The following FGD4 variants were observed in gnomAD, a reference collection of about 807,000 sequenced individuals.
FGD4 encodes the protein FYVE, RhoGEF and PH domain containing 4.
Under a neutral mutation model 102.0 loss-of-function variants are expected in FGD4, and 42 were observed. The observed-to-expected ratio is 0.41, with a 90% CI of 0.32 to 0.53. FGD4 has a LOEUF of 0.53. Ranked by LOEUF, FGD4 falls within the 20% of genes least tolerant of loss-of-function variation. The pLI is 0.21. For synonymous variants in FGD4, 380 were observed against 375.7 expected (o/e 1.01, Z -0.13); for missense variants, 902 against 1,078.2 (o/e 0.84, Z 2.29).
chr12:32,558,444 C>T (rs180964508), intron 1 of FGD4, among the ~76,000 whole-genome samples: 1 of 152,058 alleles, frequency 6.6e-6, no homozygotes, highest in African/African-American at 2.4e-5. Flanking sequence ...TAAGCAAGAC[C>T]GTATAAAGCT....
chr12:32,459,621 A>G (rs1402858269), intron 1 of FGD4, among the ~76,000 whole-genome samples: 1 of 152,228 alleles, frequency 6.6e-6, no homozygotes, highest in African/African-American at 2.4e-5. Context: ...TAAAAATACA[A>G]ATAAAATAAA....
intron 1 of FGD4, among the ~76,000 whole-genome samples, chr12:32,516,164 C>T (rs1316212017): frequency 1.3e-5 from 2 of 152,082 alleles, no homozygotes; most frequent in Admixed American, 1.3e-4. Flanking sequence ...AACTAATTTC[C>T]CTTTTGCTTT....
chr12:32,482,880 G>A (rs7296494), intron 1 of FGD4, among the ~76,000 whole-genome samples: 54,031 of 151,990 alleles, frequency 0.36, 9,879 homozygotes, highest in South Asian at 0.49. Context: ...CAGACCTGCC[G>A]TTTACTATCT....
In FGD4 at chr12:32,453,204, A is replaced by AT. The variant is rs1283329446; in HGVS notation, c.166+53246dup. ...TATATATATTTTATATATATATTAT[A>AT]TATATATATATATATAATATAGATA... On this transcript the variant is annotated intron_variant, in intron 1 of 16. Coordinates refer to ENST00000534526, the MANE Select transcript of FGD4 (RefSeq NM_001370298.3). 3.4e-3 allele frequency among the ~76,000 whole-genome samples: 165 copies of AT among 48,632 alleles called. 1 individual carries two copies. The highest frequency in any genetic ancestry group is 0.014 in the Middle Eastern group (1 of 74). The allele number at this position is 48,632 out of a possible 152,430, so 31.9% of individuals were successfully genotyped here.
At chr12:32,524,139 G>A (rs1379148495) in intron 1 of FGD4, among the ~76,000 whole-genome samples, 1 of 151,908 alleles carries the variant, frequency 6.6e-6, no homozygotes, top group Non-Finnish European at 1.5e-5. Context: ...GCTCATGCCT[G>A]TAATCCCAGC....
chr12:32,504,530 C>G (rs1463903137), intron 1 of FGD4, among the ~76,000 whole-genome samples: 1 of 152,210 alleles, frequency 6.6e-6, no homozygotes, highest in Non-Finnish European at 1.5e-5. Context: ...ACCATCCTTA[C>G]TTGTGGGGGT....
intron 1 of FGD4, among the ~76,000 whole-genome samples, chr12:32,468,541 A>AATATTT (rs1277828788): frequency 4.6e-5 from 7 of 152,138 alleles, no homozygotes; most frequent in Non-Finnish European, 1.0e-4. Flanking sequence ...CCTTTACGTT[A>AATATTT]ATATTTTTTC....
At chr12:32,476,357 C>T (rs1943584479) in intron 1 of FGD4, among the ~76,000 whole-genome samples, 1 of 152,150 alleles carries the variant, frequency 6.6e-6, no homozygotes. Context: ...CATGGTCTTG[C>T]AATTTGGCCA....
At chr12:32,507,848 G>A (rs961420474) in intron 1 of FGD4, among the ~76,000 whole-genome samples, 10 of 152,148 alleles carry the variant, frequency 6.6e-5, no homozygotes, top group African/African-American at 2.4e-4. Flanking sequence ...ACAATGATGG[G>A]GATTAATGTG....
Position 32,526,658 on chromosome 12 carries a change from CTTTGTTCTTTCGCTA to C in FGD4, c.167-37474_167-37460del, listed in dbSNP as rs551598381. Reference sequence around the variant, plus strand: ...CAGGTCCCCTTCCACACTGTGGGAGCTTTGTTCTTTCGCTATTTGCGATAAATCTTGCTGCTGCTC... The same window carrying C: ...CAGGTCCCCTTCCACACTGTGGGAGCTTTGCGATAAATCTTGCTGCTGCTC... On this transcript the variant is annotated intron_variant, in intron 1 of 16. Coordinates refer to ENST00000534526, the MANE Select transcript of FGD4 (RefSeq NM_001370298.3). Among the ~76,000 whole-genome samples the C allele has an allele frequency of 4.6e-5, 7 of 152,308 alleles. No homozygotes were observed. The South Asian group carries it at 1.5e-3, about 32-fold the overall frequency.
chr12:32,545,509 A>G (rs1943161326), intron 1 of FGD4, among the ~76,000 whole-genome samples: 1 of 152,218 alleles, frequency 6.6e-6, no homozygotes, highest in Admixed American at 6.5e-5. Flanking sequence ...TGTTGCAACT[A>G]CTCAACTCTA....
intron 1 of FGD4, among the ~76,000 whole-genome samples, chr12:32,549,699 G>A (rs1192789189): frequency 6.6e-6 from 1 of 152,204 alleles, no homozygotes; most frequent in Non-Finnish European, 1.5e-5. Flanking sequence ...GGCACATGGT[G>A]TGTTTAGGGA....
intron 1 of FGD4, among the ~76,000 whole-genome samples, chr12:32,548,683 A>G (rs1943423341): frequency 6.6e-6 from 1 of 152,204 alleles, no homozygotes; most frequent in Non-Finnish European, 1.5e-5. Flanking sequence ...TGGCAGAATT[A>G]CAGAATGTGG....
At chr12:32,595,288 T>C (rs1947807101) in intron 4 of FGD4, among the ~76,000 whole-genome samples, 1 of 152,192 alleles carries the variant, frequency 6.6e-6, no homozygotes, top group African/African-American at 2.4e-5. Context: ...CTTAGGTTTT[T>C]AAATTTCATG....
At chr12:32,472,498 A>G (rs1347055860) in intron 1 of FGD4, among the ~76,000 whole-genome samples, 1 of 152,188 alleles carries the variant, frequency 6.6e-6, no homozygotes, top group Non-Finnish European at 1.5e-5. Context: ...GCTGCGCTCA[A>G]TTTCTCGCTG....
chr12:32,514,225 T>C (rs1939664279), intron 1 of FGD4, among the ~76,000 whole-genome samples: 1 of 152,204 alleles, frequency 6.6e-6, no homozygotes, highest in South Asian at 2.1e-4. Flanking sequence ...TCAGTTTGTT[T>C]AGTGATAGAC....
intron 1 of FGD4, among the ~76,000 whole-genome samples, chr12:32,444,508 G>A (rs980769965): frequency 1.3e-5 from 2 of 152,042 alleles, no homozygotes; most frequent in Non-Finnish European, 2.9e-5. Flanking sequence ...GGGTTCAAGT[G>A]ATTCTCCTGC....
chr12:32,408,718 T>G (rs1403939775), intron 1 of FGD4, among the ~76,000 whole-genome samples: 1 of 152,224 alleles, frequency 6.6e-6, no homozygotes, highest in African/African-American at 2.4e-5. Context: ...TTTACAACAT[T>G]GGATTAGCAG....
Position 32,641,232 on chromosome 12 carries a change from T to C in FGD4, c.*699T>C, listed in dbSNP as rs1951141421. On this transcript the variant is annotated 3_prime_UTR_variant, in exon 17 of 17. Transcript: ENST00000534526. ...TTTTTTAAATATAAAGCATGGTTTA[T>C]CGTGGAATTGAGCAATGTTCTAAAC... 1 of 152,190 alleles carries C rather than the reference T, an allele frequency of 6.6e-6. No homozygotes were observed. Among genetic ancestry groups the C allele is most frequent in the African/African-American group, 2.4e-5 (1 of 41,458 alleles). 9.4% of individuals were successfully genotyped at this position (152,190 alleles called of 1,614,324 possible). A position where few individuals can be genotyped will look rare whatever the true frequency, so the allele number is the denominator to read the frequency against.
Sources: allele counts gnomAD v4.1 joint callset (sites outside exome capture counted in the v4.1 genomes callset), GRCh38; gene constraint gnomAD v4.1.1; transcripts MANE v1.5; gene names NCBI Gene and HGNC (gene_info 2026-07-23, HGNC 2026-07-21).